The following CYP4F11 variants were observed in gnomAD, a reference collection of about 807,000 sequenced individuals.
CYP4F11 encodes the protein cytochrome P450 4F11.
In CYP4F11, 79 loss-of-function variants were observed where a neutral mutation model predicts 62.2. The ratio of observed to expected loss-of-function variants is 1.27; its 90% CI spans 1.06 to 1.53. The LOEUF is 1.53. CYP4F11 is among the 40% of genes most tolerant of loss of function. The probability of loss-of-function intolerance (pLI) is 0.00; values close to 1 mark genes in which losing one functional copy is unlikely to be tolerated. For missense variants in CYP4F11, 777 were observed against 680.5 expected, an observed-to-expected ratio of 1.14 and a Z score of -1.58; for synonymous variants, 290 against 263.7, an observed-to-expected ratio of 1.10 and a Z score of -0.97.
At chr19:15,922,607 G>A (rs144486540) in intron 6 of CYP4F11, among the ~76,000 whole-genome samples, 177 bp from the exon 7 acceptor site, 103 of 152,190 alleles carry the variant, frequency 6.8e-4, no homozygotes, top group African/African-American at 2.2e-3. Flanking sequence ...CAGGCTTCCC[G>A]CTGGCTTCTT....
intron 1 of CYP4F11, 26 bp downstream of exon 1, chr19:15,934,185 C>A (rs1287138527): frequency 1.2e-6 from 2 of 1,612,414 alleles, no homozygotes; most frequent in Non-Finnish European, 1.7e-6. Context: ...CCTGAGACCC[C>A]AGACCCGTCC....
chr19:15,927,318 CCA>C lies in CYP4F11; in HGVS notation c.417_418del (p.Ser139ArgfsTer3). On this transcript the variant is annotated frameshift_variant, in exon 4 of 12. Coordinates refer to ENST00000402119, the MANE Select transcript of CYP4F11 (RefSeq NM_021187.4). LOFTEE classifies it high-confidence loss of function. Reference sequence around the variant, plus strand: ...ACGGTGGCGGCTCCACTTGTCACCACCACTCAGCAGGAGCCCATCCCCTGGCA... The same window carrying C: ...ACGGTGGCGGCTCCACTTGTCACCACCTCAGCAGGAGCCCATCCCCTGGCA... The C allele has an allele frequency of 6.2e-7, 1 of 1,614,140 alleles. No homozygotes were observed. Among genetic ancestry groups the C allele is most frequent in the Non-Finnish European group, 8.5e-7 (1 of 1,180,006 alleles).
In CYP4F11 at chr19:15,923,900, G is replaced by T; in HGVS notation, c.830C>A (p.Thr277Asn). Residue 277 changes from threonine (T) to asparagine (N), a missense_variant, in exon 6 of 12, where the codon ACC becomes AAC. Physicochemically the swap from Thr to Asn is moderately conservative, Grantham distance 65. Coordinates refer to ENST00000402119, the MANE Select transcript of CYP4F11 (RefSeq NM_021187.4). ...ATCATCAATACCCTGAGTGGGGAGG[G>T]TGCAGCGCCGCTCCTGGATGACGGC... is the stretch of plus-strand genomic sequence containing the variant. The part of the protein sequence containing the change: ...TDAVIQERRC[T>N]LPTQGIDDFL... The T allele has an allele frequency of 6.2e-7, 1 of 1,614,182 alleles. No individual in the cohort carries two copies. The highest frequency in any genetic ancestry group is 8.5e-7 in the Non-Finnish European group (1 of 1,180,040).
chr19:15,916,795 GA>G (rs111707095), intron 8 of CYP4F11, among the ~76,000 whole-genome samples: 2,563 of 152,204 alleles, frequency 0.017, 67 homozygotes, highest in African/African-American at 0.058. Context: ...TGGATATGGT[GA>G]AAAGGGAACA....
rs1268814919 is a variant in CYP4F11, at chr19:15,912,782, TATATATA to T, written c.*943_*949del. The T allele has an allele frequency of 1.5e-3, 48 of 32,996 alleles. No homozygotes were observed. Among genetic ancestry groups the T allele is most frequent in the African/African-American group, 4.8e-3 (36 of 7,576 alleles). 2.0% of individuals were successfully genotyped at this position (32,996 alleles called of 1,614,324 possible). On this transcript the variant is annotated 3_prime_UTR_variant, in exon 12 of 12. Transcript: ENST00000402119. ...GTGTGTGTGTGTGTGTATATATATA[TATATATA>T]ATATATATATATATATACATATCTT...
intron 8 of CYP4F11, among the ~76,000 whole-genome samples, chr19:15,920,033 G>T (rs556503596): frequency 3.9e-5 from 6 of 152,090 alleles, no homozygotes; most frequent in Non-Finnish European, 7.4e-5. Context: ...AATAATAATA[G>T]ATTATGTTTT....
chr19:15,920,608 C>A (rs1027141764), intron 8 of CYP4F11, among the ~76,000 whole-genome samples: 1 of 152,132 alleles, frequency 6.6e-6, no homozygotes, highest in Non-Finnish European at 1.5e-5. Flanking sequence ...AAGGCCTGTC[C>A]AGCTCAATGT....
intron 8 of CYP4F11, among the ~76,000 whole-genome samples, chr19:15,920,494 T>C (rs1429815960): frequency 6.6e-6 from 1 of 152,212 alleles, no homozygotes; most frequent in Non-Finnish European, 1.5e-5. Flanking sequence ...TTAAACAATG[T>C]GTAATTTTGC....
At chr19:15,918,159 C>T (rs1006596280) in intron 8 of CYP4F11, among the ~76,000 whole-genome samples, 9 of 152,108 alleles carry the variant, frequency 5.9e-5, no homozygotes, top group Admixed American at 4.6e-4. Context: ...AGCTGGAAGC[C>T]GTTATTCTCA....
intron 10 of CYP4F11, 44 bp downstream of exon 10, chr19:15,914,558 C>A (rs1458198857): frequency 6.2e-6 from 10 of 1,609,762 alleles, no homozygotes; most frequent in East Asian, 2.2e-5. Flanking sequence ...CCTCTAGGAA[C>A]CTTGGAATGG....
chr19:15,928,799 G>T (rs1181808315), intron 2 of CYP4F11, among the ~76,000 whole-genome samples: 2 of 152,188 alleles, frequency 1.3e-5, no homozygotes, highest in African/African-American at 4.8e-5. Flanking sequence ...AGATTGCTGG[G>T]GCCTGGAGCA....
intron 8 of CYP4F11, among the ~76,000 whole-genome samples, chr19:15,917,753 C>G (rs1258174547): frequency 6.6e-6 from 1 of 151,938 alleles, no homozygotes; most frequent in East Asian, 1.9e-4. Context: ...CAAAGGAAAA[C>G]AGCAATGTAA....
Position 15,934,201 on chromosome 19 carries a change from ACAAACT to A in CYP4F11, c.198+4_198+9del. ...CTGAGACCCCAGACCCGTCCTGCTGACAAACTCACCAGGCCCTGGTGTCCCCAAAAC... is the reference window on the plus strand; with the variant it reads ...CTGAGACCCCAGACCCGTCCTGCTGACACCAGGCCCTGGTGTCCCCAAAAC... On this transcript the variant is annotated splice_donor_5th_base_variant and intron_variant, in intron 1 of 11. Transcript: ENST00000402119. 6.2e-7 allele frequency: 1 copy of A among 1,613,108 alleles called. No individual in the cohort carries two copies. The highest frequency in any genetic ancestry group is 1.1e-5 in the South Asian group (1 of 91,014).
rs779831534 is a variant in CYP4F11, at chr19:15,913,686, G to A, written c.*46C>T. The stretch of plus-strand genomic sequence containing the variant: ...AGGCTCAAGCAGAGGTGTCAGCATA[G>A]TTTTGTTTCTGGGACTCTACAGAGG... On this transcript the variant is annotated 3_prime_UTR_variant, in exon 12 of 12. Coordinates refer to ENST00000402119, the MANE Select transcript of CYP4F11 (RefSeq NM_021187.4). The A allele has an allele frequency of 1.9e-5, 30 of 1,570,532 alleles. No individual in the cohort carries two copies. Among genetic ancestry groups the A allele is most frequent in the Non-Finnish European group, 2.5e-5 (29 of 1,151,108 alleles).
intron 4 of CYP4F11, 32 bp downstream of exon 4, chr19:15,927,180 T>C (rs1317893084): frequency 1.2e-6 from 2 of 1,607,948 alleles, no homozygotes; most frequent in East Asian, 2.2e-5. Context: ...ACCCCAAGGC[T>C]CCAGCTGGGA....
rs374934861 is a variant in CYP4F11, at chr19:15,929,545, G to A, written c.255C>T (p.Pro85=). Residue 85 remains proline (P), a synonymous_variant, in exon 2 of 12, where the codon CCC becomes CCT. Coordinates refer to ENST00000402119, the MANE Select transcript of CYP4F11 (RefSeq NM_021187.4). ...KTLTQLVTTY[P]QGFKLWLGPT... The stretch of plus-strand genomic sequence containing the variant: ...GACCCAGCCACAACTTAAAGCCCTG[G>A]GGATATGTGGTCACCAGCTGGGTCA... The A allele has an allele frequency of 1.3e-4, 216 of 1,613,846 alleles. No individual in the cohort carries two copies. The highest frequency in any genetic ancestry group is 8.2e-4 in the Middle Eastern group (5 of 6,078).
In CYP4F11 at chr19:15,927,468, T is replaced by C; in HGVS notation, c.359A>G (p.Lys120Arg). ...CAGGAAGCCATAGAAAATCATATCC[T>C]TGGGTGCGACAGCAGCTGACATGAT... is the stretch of plus-strand genomic sequence containing the variant. ...ITSASAAVAPKDMIFYGFLKP... is the reference protein window; with the variant it reads ...ITSASAAVAPRDMIFYGFLKP... The change falls in exon 3 of 12, where the codon AAG becomes AGG. Residue 120 changes from lysine to arginine, a missense_variant. Transcript: ENST00000402119. 1 of 1,614,072 alleles carries C rather than the reference T, an allele frequency of 6.2e-7. No individual in the cohort carries two copies. The highest frequency in any genetic ancestry group is 8.5e-7 in the Non-Finnish European group (1 of 1,180,018).
At chr19:15,919,346 G>A (rs1447815578) in intron 8 of CYP4F11, among the ~76,000 whole-genome samples, 2 of 146,936 alleles carry the variant, frequency 1.4e-5, no homozygotes, top group Non-Finnish European at 3.0e-5. Context: ...TAGATAGATC[G>A]ATGGATGGAT....
chr19:15,930,841 T>A (rs1296932964), intron 1 of CYP4F11, among the ~76,000 whole-genome samples: 3 of 152,112 alleles, frequency 2.0e-5, no homozygotes, highest in Non-Finnish European at 4.4e-5. Flanking sequence ...CCTCCCACAC[T>A]GGGGACATTC....
Sources: allele counts gnomAD v4.1 joint callset (sites outside exome capture counted in the v4.1 genomes callset), GRCh38; gene constraint gnomAD v4.1.1; transcripts MANE v1.5; gene names NCBI Gene and HGNC (gene_info 2026-07-23, HGNC 2026-07-21).